Variants in RASGEF1C observed in about 807,000 individuals in gnomAD.
RASGEF1C encodes the protein ras-GEF domain-containing family member 1C.
A neutral mutation model predicts 58.1 loss-of-function variants in RASGEF1C; 27 were observed. That is an observed-to-expected ratio of 0.46 (90% CI 0.34 to 0.64). The LOEUF (loss-of-function observed/expected upper bound fraction) is 0.64, where lower values mean the gene tolerates loss of function less well. Among genes scored for constraint, RASGEF1C ranks in the 30% least tolerant of loss-of-function variants. RASGEF1C has a pLI of 0.01. For missense variants in RASGEF1C, 502 were observed against 605.1 expected (o/e 0.83, Z 1.79); for synonymous variants, 243 against 246.3 (o/e 0.99, Z 0.13).
intron 1 of RASGEF1C, among the ~76,000 whole-genome samples, chr5:180,180,941 A>G (rs1241775860): frequency 6.6e-6 from 1 of 152,218 alleles, no homozygotes; most frequent in African/African-American, 2.4e-5. Context: ...CGCATACAGC[A>G]CTATCAATCA....
chr5:180,131,432 C>T (rs939538596), intron 4 of RASGEF1C, among the ~76,000 whole-genome samples: 7 of 152,250 alleles, frequency 4.6e-5, no homozygotes, highest in African/African-American at 1.7e-4. Flanking sequence ...ACGTTCTCCT[C>T]ATCCACTGGA....
At chr5:180,139,794 C>G (rs1426239821) in intron 1 of RASGEF1C, among the ~76,000 whole-genome samples, 1 of 152,218 alleles carries the variant, frequency 6.6e-6, no homozygotes, top group Non-Finnish European at 1.5e-5. Flanking sequence ...AGGGTGCACG[C>G]TGCTCTGCCT....
At chr5:180,149,559 G>A (rs1168515396) in intron 1 of RASGEF1C, among the ~76,000 whole-genome samples, 5 of 151,738 alleles carry the variant, frequency 3.3e-5, no homozygotes, top group African/African-American at 9.7e-5. Context: ...TGGTTCAAGC[G>A]ATTCTCCTGC....
intron 1 of RASGEF1C, among the ~76,000 whole-genome samples, chr5:180,152,772 C>T (rs539976898): frequency 1.7e-4 from 25 of 151,436 alleles, no homozygotes; most frequent in South Asian, 1.0e-3. Flanking sequence ...ATTAGCTGGG[C>T]GTGGTGGCAG....
At chr5:180,141,333 CGAAT>C (rs1390063119) in intron 1 of RASGEF1C, among the ~76,000 whole-genome samples, 10 of 152,186 alleles carry the variant, frequency 6.6e-5, no homozygotes, top group Admixed American at 5.9e-4. Context: ...CCATCAGTGA[CGAAT>C]GGATGGAGAA....
intron 1 of RASGEF1C, among the ~76,000 whole-genome samples, chr5:180,140,170 G>A (rs1405313767): frequency 6.6e-6 from 1 of 152,342 alleles, no homozygotes; most frequent in South Asian, 2.1e-4. Context: ...ACTAGCTCTC[G>A]CTGGAGCCAG....
At chr5:180,164,917 C>T (rs1048410837) in intron 1 of RASGEF1C, among the ~76,000 whole-genome samples, 4 of 152,124 alleles carry the variant, frequency 2.6e-5, no homozygotes, top group Admixed American at 1.3e-4. Context: ...CAGTTCTGTC[C>T]GTTTTGCTTC....
chr5:180,106,466 T>A (rs1051733402), intron 12 of RASGEF1C, among the ~76,000 whole-genome samples: 6 of 152,174 alleles, frequency 3.9e-5, no homozygotes, highest in Non-Finnish European at 7.4e-5. Flanking sequence ...GTCCTACAAA[T>A]TTGATTGTAT....
At chr5:180,167,008 A>G (rs917603589) in intron 1 of RASGEF1C, among the ~76,000 whole-genome samples, 2 of 151,992 alleles carry the variant, frequency 1.3e-5, no homozygotes, top group African/African-American at 4.8e-5. Context: ...CTTAATTTTC[A>G]GTAGTTTGAT....
At chr5:180,113,772 C>T (rs1029200141) in intron 11 of RASGEF1C, among the ~76,000 whole-genome samples, 6 of 148,418 alleles carry the variant, frequency 4.0e-5, no homozygotes, top group East Asian at 4.0e-4. Context: ...CGGGGATGGA[C>T]GGAGGGATTG....
At chr5:180,175,537 T>A (rs950349162) in intron 1 of RASGEF1C, among the ~76,000 whole-genome samples, 11 of 152,168 alleles carry the variant, frequency 7.2e-5, no homozygotes, top group Admixed American at 2.0e-4. Context: ...TTTCGGTGCT[T>A]GTTGAAGGAG....
At chr5:180,117,269 G>A (rs1173055679) in intron 10 of RASGEF1C, among the ~76,000 whole-genome samples, 2 of 152,212 alleles carry the variant, frequency 1.3e-5, no homozygotes, top group Non-Finnish European at 2.9e-5. Context: ...CCGTGTGGCC[G>A]GTGTCTGCCC....
At chr5:180,191,891 C>A (rs1396227422) in intron 1 of RASGEF1C, among the ~76,000 whole-genome samples, 1 of 152,196 alleles carries the variant, frequency 6.6e-6, no homozygotes, top group African/African-American at 2.4e-5. Context: ...GTCAGGGCTG[C>A]CCTCTCATCC....
At chr5:180,128,706 C>A in intron 4 of RASGEF1C, 96 bp from the exon 5 acceptor site, 1 of 1,258,346 alleles carries the variant, frequency 7.9e-7, no homozygotes, top group Non-Finnish European at 1.1e-6. Context: ...AAGGGAGGGT[C>A]TTTTCCTCAG....
At chr5:180,111,675 A>C in intron 11 of RASGEF1C, 95 bp from the exon 12 acceptor site, 2 of 1,392,388 alleles carry the variant, frequency 1.4e-6, no homozygotes, top group African/African-American at 1.4e-5. Context: ...CCCTCTCAAC[A>C]CCCAGTGGCT....
chr5:180,178,136 T>G (rs952325350), intron 1 of RASGEF1C, among the ~76,000 whole-genome samples: 1 of 148,058 alleles, frequency 6.8e-6, no homozygotes, highest in Non-Finnish European at 1.5e-5. Context: ...CTGGCTAATT[T>G]TTTTTTTTTT....
At chr5:180,157,364 G>A (rs1434602382) in intron 1 of RASGEF1C, among the ~76,000 whole-genome samples, 1 of 152,140 alleles carries the variant, frequency 6.6e-6, no homozygotes. Context: ...GCTCACGCCT[G>A]TAATCCCAGC....
intron 1 of RASGEF1C, among the ~76,000 whole-genome samples, chr5:180,154,371 T>G (rs1766819129): frequency 6.6e-6 from 1 of 152,162 alleles, no homozygotes; most frequent in Non-Finnish European, 1.5e-5. Flanking sequence ...CCCGGACAGG[T>G]TCTGAACTCC....
At chr5:180,159,090 C>A (rs1766896169) in intron 1 of RASGEF1C, among the ~76,000 whole-genome samples, 1 of 149,994 alleles carries the variant, frequency 6.7e-6, no homozygotes, top group South Asian at 2.1e-4. Context: ...GATGTAATAT[C>A]TTCTCTTACC....
Sources: gnomAD v4.1 joint callset for allele counts (sites outside exome capture counted in the v4.1 genomes callset) on GRCh38, gnomAD v4.1.1 for gene constraint, MANE v1.5 for transcripts, NCBI Gene and HGNC (gene_info 2026-07-23, HGNC 2026-07-21) for gene names.